TMEM132C: variants seen among roughly 807,000 people sequenced by gnomAD.
TMEM132C encodes the protein transmembrane protein 132C.
In TMEM132C, 29 loss-of-function variants were observed where a neutral mutation model predicts 61.4. The ratio of observed to expected loss-of-function variants is 0.47; its 90% CI spans 0.35 to 0.64. TMEM132C has a LOEUF of 0.64. Among genes scored for constraint, TMEM132C ranks in the 30% least tolerant of loss-of-function variants. TMEM132C has a pLI of 0.00. For missense variants in TMEM132C, 1,408 were observed against 1,476.9 expected (o/e 0.95, Z 0.76); for synonymous variants, 656 against 633.1 (o/e 1.04, Z -0.54).
chr12:128,554,041 C>G (rs796420448), intron 3 of TMEM132C, among the ~76,000 whole-genome samples: 3 of 152,354 alleles, frequency 2.0e-5, no homozygotes, highest in African/African-American at 7.2e-5. Context: ...AAAGGAAACA[C>G]TTTCTGTCCA....
At chr12:128,664,049 C>T (rs112386014) in intron 4 of TMEM132C, among the ~76,000 whole-genome samples, 13 of 103,598 alleles carry the variant, frequency 1.3e-4, no homozygotes, top group Middle Eastern at 5.2e-3. Flanking sequence ...CGCACGCACG[C>T]GGGCACTCAC....
At chr12:128,559,178 GAC>G (rs140182072) in intron 3 of TMEM132C, among the ~76,000 whole-genome samples, 203 of 147,712 alleles carry the variant, frequency 1.4e-3, no homozygotes, top group South Asian at 4.8e-3. Context: ...CACACACACA[GAC>G]ACACACACAC....
chr12:128,596,480 C>T (rs1214445597), intron 3 of TMEM132C, among the ~76,000 whole-genome samples: 1 of 139,242 alleles, frequency 7.2e-6, no homozygotes, highest in Non-Finnish European at 1.5e-5. Context: ...CCCATGTTCT[C>T]TCCGTCACAC....
At chr12:128,531,391 G>C (rs1873296336) in intron 2 of TMEM132C, among the ~76,000 whole-genome samples, 1 of 152,210 alleles carries the variant, frequency 6.6e-6, no homozygotes, top group African/African-American at 2.4e-5. Context: ...AAACACGTTT[G>C]ACTGCAGCTG....
At chr12:128,466,168 A>G (rs1304656614) in intron 2 of TMEM132C, among the ~76,000 whole-genome samples, 3 of 152,158 alleles carry the variant, frequency 2.0e-5, no homozygotes, top group Non-Finnish European at 4.4e-5. Flanking sequence ...GCGATGGAGA[A>G]CTAGCCAGCA....
At chr12:128,554,659 G>A (rs1342860844) in intron 3 of TMEM132C, among the ~76,000 whole-genome samples, 6 of 152,156 alleles carry the variant, frequency 3.9e-5, no homozygotes, top group African/African-American at 1.4e-4. Flanking sequence ...CTGGGAACTC[G>A]ACTGTGCCTC....
At chr12:128,566,982 G>A (rs1874725293) in intron 3 of TMEM132C, among the ~76,000 whole-genome samples, 1 of 152,122 alleles carries the variant, frequency 6.6e-6, no homozygotes, top group South Asian at 2.1e-4. Context: ...GTATAGTTGT[G>A]GTTATTGTGT....
At chr12:128,364,291 T>TTCTCTC (rs367571547) in intron 1 of TMEM132C, among the ~76,000 whole-genome samples, 5 of 131,132 alleles carry the variant, frequency 3.8e-5, no homozygotes, top group South Asian at 3.0e-4. Flanking sequence ...CCCCCTATCT[T>TTCTCTC]TCTCTCTCTC....
chr12:128,504,968 T>TTTACTTACTACTTTACATAGTAAGTAAGA (rs1565955875), intron 2 of TMEM132C, among the ~76,000 whole-genome samples: 7 of 150,424 alleles, frequency 4.7e-5, no homozygotes, highest in African/African-American at 1.5e-4. Flanking sequence ...TTTTGGGGAC[T>TTTACTTACTACTTTACATAGTAAGTAAGA]TTACTTACTA....
chr12:128,294,251 A>G (rs939303218), intron 1 of TMEM132C: 2 of 154,118 alleles, frequency 1.3e-5, no homozygotes, highest in Non-Finnish European at 2.9e-5. Flanking sequence ...TAGCAGACCA[A>G]CAGGAGCAAG....
intron 1 of TMEM132C, among the ~76,000 whole-genome samples, chr12:128,380,400 A>G (rs1245237293): frequency 1.3e-5 from 2 of 152,348 alleles, no homozygotes; most frequent in Admixed American, 6.5e-5. Context: ...CTTCTTCTGT[A>G]CCAGACCTGT....
rs7967814 is a variant in TMEM132C, at chr12:128,434,410, C to G, written c.974+18790C>G. 9.0e-3 allele frequency among the ~76,000 whole-genome samples: 1,317 copies of G among 147,084 alleles called. 17 individuals are homozygous for G. Among genetic ancestry groups the G allele is most frequent in the African/African-American group, 0.03 (1,247 of 41,084 alleles). ...CTGCCTCCCGGGTTCAAGAGATTCT[C>G]CTGCGTCAGCCTCCCAAGTAGCCAG... is the stretch of plus-strand genomic sequence containing the variant. On this transcript the variant is annotated intron_variant, in intron 2 of 8. Transcript: ENST00000435159.
In TMEM132C at chr12:128,570,146, A is replaced by G. The variant is rs1324311738; in HGVS notation, c.1121+26043A>G. On this transcript the variant is annotated intron_variant, in intron 3 of 8. Transcript: ENST00000435159. The surrounding 1 kb of genome is among the most constrained non-coding windows in gnomAD (Gnocchi z 4.7). ...TTCTCGTCTTAGGCTCCTTAGCACC[A>G]GAGAGGAGTGGAAAGGTGAAAGAAA... is the stretch of plus-strand genomic sequence containing the variant. Among the ~76,000 whole-genome samples, 1 of 152,148 alleles carries G rather than the reference A, an allele frequency of 6.6e-6. No homozygotes were observed. The highest frequency in any genetic ancestry group is 1.5e-5 in the Non-Finnish European group (1 of 68,032).
At chr12:128,529,623 A>G (rs1327776009) in intron 2 of TMEM132C, among the ~76,000 whole-genome samples, 1 of 152,108 alleles carries the variant, frequency 6.6e-6, no homozygotes, top group East Asian at 1.9e-4. Flanking sequence ...ATCTCTACTA[A>G]AAATACAAAA....
At chr12:128,595,016 A>C (rs1306764689) in intron 3 of TMEM132C, among the ~76,000 whole-genome samples, 1 of 152,168 alleles carries the variant, frequency 6.6e-6, no homozygotes, top group Non-Finnish European at 1.5e-5. Flanking sequence ...ACATCCGAGG[A>C]GGGTGAGATG....
At chr12:128,286,258 C>A (rs891465831) in intron 1 of TMEM132C, among the ~76,000 whole-genome samples, 1 of 152,086 alleles carries the variant, frequency 6.6e-6, no homozygotes, top group Non-Finnish European at 1.5e-5. Context: ...TTAGCTTATA[C>A]GTGAACATTT....
chr12:128,350,219 T>C (rs974000920), intron 1 of TMEM132C, among the ~76,000 whole-genome samples: 3 of 152,150 alleles, frequency 2.0e-5, no homozygotes, highest in Non-Finnish European at 4.4e-5. Context: ...CTTAAGCAGT[T>C]TGGGGGCTGA....
chr12:128,325,717 C>T (rs201625697), intron 1 of TMEM132C, among the ~76,000 whole-genome samples: 4 of 152,114 alleles, frequency 2.6e-5, no homozygotes, highest in African/African-American at 9.7e-5. Context: ...GTGGCTGTTT[C>T]CAGTTCGGGG....
At chr12:128,509,720 A>G (rs1872510809) in intron 2 of TMEM132C, among the ~76,000 whole-genome samples, 1 of 151,982 alleles carries the variant, frequency 6.6e-6, no homozygotes, top group South Asian at 2.1e-4. Flanking sequence ...ACTGGGGAAA[A>G]TTCCAGAAGG....
Sources: allele counts gnomAD v4.1 joint callset (sites outside exome capture counted in the v4.1 genomes callset), GRCh38; gene constraint gnomAD v4.1.1; non-coding constraint Gnocchi (gnomAD v3.1); transcripts MANE v1.5; gene names NCBI Gene and HGNC (gene_info 2026-07-23, HGNC 2026-07-21).